CHCHD6: variants seen among roughly 807,000 people sequenced by gnomAD.
The protein encoded by CHCHD6 is MICOS complex subunit MIC25.
Under a neutral mutation model 32.3 loss-of-function variants are expected in CHCHD6, and 28 were observed. The observed-to-expected ratio is 0.87, with a 90% CI of 0.64 to 1.19. The LOEUF is 1.19. Ranked by LOEUF, CHCHD6 falls within the 50% of genes most tolerant of loss-of-function variation. The pLI is 0.00. For synonymous variants in CHCHD6, 122 were observed against 117.5 expected, an observed-to-expected ratio of 1.04 and a Z score of -0.25; for missense variants, 333 against 307.0, an observed-to-expected ratio of 1.08 and a Z score of -0.63.
At chr3:126,905,786 T>G (rs1170393577) in intron 5 of CHCHD6, among the ~76,000 whole-genome samples, 1 of 152,082 alleles carries the variant, frequency 6.6e-6, no homozygotes, top group African/African-American at 2.4e-5. Context: ...GTTCTCTGAA[T>G]TTGGTTGCAG....
At chr3:126,823,865 G>A (rs1940259870) in intron 4 of CHCHD6, among the ~76,000 whole-genome samples, 1 of 150,034 alleles carries the variant, frequency 6.7e-6, no homozygotes, top group South Asian at 2.1e-4. Flanking sequence ...GGGCAACATA[G>A]CAACACCCTA....
chr3:126,910,866 C>G (rs1432364745), intron 5 of CHCHD6, among the ~76,000 whole-genome samples: 1 of 152,008 alleles, frequency 6.6e-6, no homozygotes, highest in Non-Finnish European at 1.5e-5. Flanking sequence ...AAGTGGGGCA[C>G]ATGTGTGTGC....
intron 4 of CHCHD6, among the ~76,000 whole-genome samples, chr3:126,818,174 T>C (rs1170512798): frequency 6.6e-6 from 1 of 152,226 alleles, no homozygotes; most frequent in East Asian, 1.9e-4. Flanking sequence ...CTTTTCCTCC[T>C]CTTAATGTTT....
chr3:126,843,345 G>T (rs1402485923), intron 4 of CHCHD6, among the ~76,000 whole-genome samples: 1 of 152,070 alleles, frequency 6.6e-6, no homozygotes, highest in Non-Finnish European at 1.5e-5. Context: ...TTTTCTCGAG[G>T]AATACTGGTT....
At chr3:126,853,269 AAAAC>A (rs1941541538) in intron 5 of CHCHD6, among the ~76,000 whole-genome samples, 1 of 151,810 alleles carries the variant, frequency 6.6e-6, no homozygotes, top group South Asian at 2.1e-4. Flanking sequence ...AAAAAAAAAA[AAAAC>A]CCCTACCACG....
At position 126,734,009 on chromosome 3, in the gene CHCHD6, GC is replaced by G. The variant is rs545574032; in HGVS notation, c.411+791del. 1.3e-3 allele frequency among the ~76,000 whole-genome samples: 201 copies of G among 152,268 alleles called. 2 individuals carry two copies. Among genetic ancestry groups the G allele is most frequent in the Middle Eastern group, 0.01 (3 of 294 alleles). On this transcript the variant is annotated intron_variant, in intron 4 of 7. Transcript: ENST00000290913. Reference sequence around the variant, plus strand: ...CCCATGGTTAATGAAGGCTGTTACTGCCCCACAAGTCCCATGCAGACAGTAA... The same window carrying G: ...CCCATGGTTAATGAAGGCTGTTACTGCCCACAAGTCCCATGCAGACAGTAA...
intron 6 of CHCHD6, among the ~76,000 whole-genome samples, chr3:126,933,594 A>G (rs2078436495): frequency 6.6e-6 from 1 of 152,140 alleles, no homozygotes. Flanking sequence ...GAGAGATGCC[A>G]GGCTCTTTTA....
intron 6 of CHCHD6, among the ~76,000 whole-genome samples, chr3:126,956,397 A>G (rs2078783527): frequency 6.6e-6 from 1 of 152,186 alleles, no homozygotes; most frequent in African/African-American, 2.4e-5. Context: ...ATGTAAATAA[A>G]TATGTCCCGC....
chr3:126,804,499 C>T (rs988292959), intron 4 of CHCHD6, among the ~76,000 whole-genome samples: 8 of 152,290 alleles, frequency 5.3e-5, no homozygotes, highest in Admixed American at 2.6e-4. Flanking sequence ...TACACCCTCC[C>T]AAGACTAAAC....
intron 4 of CHCHD6, among the ~76,000 whole-genome samples, chr3:126,797,777 A>G (rs1938863479): frequency 6.6e-6 from 1 of 152,144 alleles, no homozygotes; most frequent in African/African-American, 2.4e-5. Context: ...ACTTGTTTCT[A>G]ACACACGTGC....
chr3:126,783,761 A>C (rs556678923), intron 4 of CHCHD6, among the ~76,000 whole-genome samples: 1 of 149,704 alleles, frequency 6.7e-6, no homozygotes, highest in East Asian at 1.9e-4. Flanking sequence ...CTTTTTGATC[A>C]GCAGCTGTGA....
At chr3:126,897,055 G>A (rs2077850789) in intron 5 of CHCHD6, among the ~76,000 whole-genome samples, 1 of 152,188 alleles carries the variant, frequency 6.6e-6, no homozygotes, top group Admixed American at 6.5e-5. Flanking sequence ...TGGAGAGTTG[G>A]ATGGGAGCTG....
intron 4 of CHCHD6, among the ~76,000 whole-genome samples, chr3:126,804,772 C>T (rs2107692621): frequency 6.6e-6 from 1 of 152,300 alleles, no homozygotes. Flanking sequence ...GACCAATATC[C>T]TTGATGAACA....
At chr3:126,872,942 A>G (rs1559895958) in intron 5 of CHCHD6, among the ~76,000 whole-genome samples, 1 of 152,186 alleles carries the variant, frequency 6.6e-6, no homozygotes, top group Non-Finnish European at 1.5e-5. Context: ...CAGCATCTCA[A>G]CACAGGAGTG....
intron 6 of CHCHD6, among the ~76,000 whole-genome samples, chr3:126,951,541 T>C (rs1057334374): frequency 4.6e-5 from 7 of 152,188 alleles, no homozygotes; most frequent in African/African-American, 1.4e-4. Flanking sequence ...CCGAAACTTA[T>C]GGATAGTGGA....
chr3:126,711,129 T>C (rs917705865), intron 1 of CHCHD6, among the ~76,000 whole-genome samples: 41 of 152,226 alleles, frequency 2.7e-4, no homozygotes, highest in African/African-American at 9.2e-4. Context: ...TCTGTCCTTA[T>C]GTCCTTTTTT....
At chr3:126,932,486 A>G (rs1264099873) in intron 6 of CHCHD6, among the ~76,000 whole-genome samples, 3 of 152,152 alleles carry the variant, frequency 2.0e-5, no homozygotes, top group South Asian at 2.1e-4. Context: ...AACTGCCTCA[A>G]AGAGATCTGT....
chr3:126,730,719 C>G lies in CHCHD6; in HGVS notation c.266+89C>G, dbSNP rs1340974402. ...GGTACCCCTCTCCTTGCCTGAAGCC[C>G]TGGAGGCTTTGTCTCACATAATTAA... On this transcript the variant is annotated intron_variant, in intron 3 of 7. Coordinates refer to ENST00000290913, the MANE Select transcript of CHCHD6 (RefSeq NM_032343.3). The G allele has an allele frequency of 5.5e-6, 6 of 1,094,716 alleles. No homozygotes were observed. The African/African-American group carries it at 6.2e-5, about 11-fold the overall frequency. The allele number at this position is 1,094,716 out of a possible 1,614,324, so 67.8% of individuals were successfully genotyped here. A position where few individuals can be genotyped will look rare whatever the true frequency, so the allele number is the denominator to read the frequency against.
chr3:126,743,757 A>G (rs1447956756), intron 4 of CHCHD6, among the ~76,000 whole-genome samples: 1 of 152,206 alleles, frequency 6.6e-6, no homozygotes, highest in Non-Finnish European at 1.5e-5. Context: ...TGAGAGTGGC[A>G]TTGGAGCAGC....
Sources: gnomAD v4.1 joint callset for allele counts (sites outside exome capture counted in the v4.1 genomes callset) on GRCh38, gnomAD v4.1.1 for gene constraint, MANE v1.5 for transcripts, NCBI Gene and HGNC (gene_info 2026-07-23, HGNC 2026-07-21) for gene names.